Variants in KCNT1 observed in about 807,000 individuals in gnomAD.
The protein encoded by KCNT1 is potassium channel subfamily T member 1.
KCNT1 carries 78 observed loss-of-function variants against 147.8 expected under a neutral mutation model. That is an observed-to-expected ratio of 0.53 (90% CI 0.44 to 0.64). The LOEUF (loss-of-function observed/expected upper bound fraction) is 0.64. Ranked by LOEUF, KCNT1 falls within the 30% of genes least tolerant of loss-of-function variation. The pLI, the probability that KCNT1 is intolerant of heterozygous loss-of-function variation, is 0.00. For missense variants in KCNT1, 1,419 were observed against 1,750.3 expected (o/e 0.81, Z 3.38); for synonymous variants, 867 against 748.8 (o/e 1.16, Z -2.58).
chr9:135,750,804 G>C, intron 3 of KCNT1, 138 bp from the exon 4 acceptor site: 1 of 736,180 alleles, frequency 1.4e-6, no homozygotes, highest in Non-Finnish European at 2.3e-6. Context: ...AGGGCACACA[G>C]AGCTCTGCGT....
intron 3 of KCNT1, chr9:135,750,475 T>C (rs962194637): frequency 2.0e-6 from 1 of 501,492 alleles, no homozygotes; most frequent in Non-Finnish European, 3.6e-6. Flanking sequence ...GGACCATCCA[T>C]AGGTGCCAGC....
At position 135,784,052 on chromosome 9, in the gene KCNT1, C is replaced by T; in HGVS notation, c.2870C>T (p.Ala957Val). ...GAGCGAGAGAATGGCTCCAACCTGG[C>T]CTTCATGTTCCGCCTGCCGTTCGCC... ...KRERENGSNLAFMFRLPFAAG... is the reference protein window; with the variant it reads ...KRERENGSNLVFMFRLPFAAG... The change falls in exon 25 of 31, where the codon GCC becomes GTC. Residue 957 changes from alanine to valine, a missense_variant. Ala to Val is a moderately conservative substitution (Grantham distance 64, BLOSUM62 0). Coordinates refer to ENST00000371757, the MANE Select transcript of KCNT1 (RefSeq NM_020822.3). The T allele has an allele frequency of 6.2e-7, 1 of 1,606,128 alleles. No individual in the cohort carries two copies.
At chr9:135,785,121 C>T (rs1253766406) in intron 27 of KCNT1, among the ~76,000 whole-genome samples, 189 bp from the exon 28 acceptor site, 1 of 152,202 alleles carries the variant, frequency 6.6e-6, no homozygotes, top group Non-Finnish European at 1.5e-5. Context: ...AGCCATGACC[C>T]CTACCGGGGG....
At chr9:135,751,099 C>T in intron 4 of KCNT1, 58 bp downstream of exon 4, 1 of 1,499,786 alleles carries the variant, frequency 6.7e-7, no homozygotes, top group Non-Finnish European at 9.2e-7. Flanking sequence ...AGCCTTCCCA[C>T]TGGGCCGTTA....
chr9:135,761,316 G>A (rs1831897838), intron 11 of KCNT1, among the ~76,000 whole-genome samples: 1 of 152,224 alleles, frequency 6.6e-6, no homozygotes, highest in South Asian at 2.1e-4. Flanking sequence ...ACCATGTGGG[G>A]TGGGGTGGAG....
At chr9:135,774,616 GTTGTGTGTCGAT>G (rs1279810648) in intron 19 of KCNT1, among the ~76,000 whole-genome samples, 1 of 151,218 alleles carries the variant, frequency 6.6e-6, no homozygotes, top group East Asian at 2.0e-4. Flanking sequence ...TGTTGTGTAT[GTTGTGTGTCGAT>G]GTGTGTGTTG....
At chr9:135,750,056 C>A in intron 2 of KCNT1, 42 bp from the exon 3 acceptor site, 2 of 1,532,448 alleles carry the variant, frequency 1.3e-6, no homozygotes, top group African/African-American at 1.4e-5. Flanking sequence ...AGCCTGAGTC[C>A]CCACTGGCCC....
At position 135,702,235 on chromosome 9, in the gene KCNT1, G is replaced by C. The variant is rs1416386967; in HGVS notation, c.-24G>C. ...CGGCTCCCACTCGCTTCTCCCTCGG[G>C]TCGGGTCCGAGCTGCCAGGCCGCAT... On this transcript the variant is annotated 5_prime_UTR_variant, in exon 1 of 31. Transcript: ENST00000371757. 6 of 1,571,334 alleles carry C rather than the reference G, an allele frequency of 3.8e-6. No individual in the cohort carries two copies. Among genetic ancestry groups the C allele is most frequent in the Non-Finnish European group, 5.2e-6 (6 of 1,145,432 alleles).
chr9:135,784,619 G>GT lies in KCNT1; in HGVS notation c.3027+2dup, dbSNP rs753592266. On this transcript the variant is annotated splice_donor_variant, in intron 26 of 30. Transcript: ENST00000371757. LOFTEE classifies it high-confidence loss of function. ...GCCGGGCTCGGGGTACCTCTGTGCC[G>GT]TAAGTGCCCCTGGCTGCGCTGGGCT... 6.2e-7 allele frequency: 1 copy of GT among 1,611,390 alleles called. No homozygotes were observed. Among genetic ancestry groups the GT allele is most frequent in the Non-Finnish European group, 8.5e-7 (1 of 1,179,512 alleles).
chr9:135,757,491 C>T lies in KCNT1; in HGVS notation c.759+110C>T, dbSNP rs550127749. ...CTGCCACGCCCCGGCCCTGGCATGA[C>T]CTGTAGAGGACCGGGAAGCCAGGGC... On this transcript the variant is annotated intron_variant, in intron 9 of 30. Transcript: ENST00000371757. 7.3e-6 allele frequency: 7 copies of T among 955,826 alleles called. No individual in the cohort carries two copies. The African/African-American group carries it at 1.1e-4, about 15-fold the overall frequency. The allele number at this position is 955,826 out of a possible 1,614,324, so 59.2% of individuals were successfully genotyped here.
intron 1 of KCNT1, among the ~76,000 whole-genome samples, chr9:135,707,759 G>T (rs1436346907): frequency 6.6e-6 from 1 of 152,208 alleles, no homozygotes; most frequent in Non-Finnish European, 1.5e-5. Context: ...CCTCGCCTGG[G>T]GCCCCTGTGT....
intron 20 of KCNT1, 105 bp downstream of exon 20, chr9:135,775,520 G>A: frequency 1.3e-6 from 1 of 796,396 alleles, no homozygotes; most frequent in Non-Finnish European, 2.0e-6. Context: ...CGATACCATT[G>A]CAAACTTCTA....
chr9:135,755,009 C>G, intron 5 of KCNT1, 112 bp from the exon 6 acceptor site: 1 of 914,504 alleles, frequency 1.1e-6, no homozygotes, highest in Non-Finnish European at 1.6e-6. Flanking sequence ...CCCCAATGAG[C>G]AGCACATGCT....
At chr9:135,768,994 C>CAGTTA in intron 15 of KCNT1, 57 bp downstream of exon 15, 1 of 1,331,200 alleles carries the variant, frequency 7.5e-7, no homozygotes, top group East Asian at 2.4e-5. Flanking sequence ...CGTGTGCACA[C>CAGTTA]GTGGGTGATG....
chr9:135,791,716 GC>G lies in KCNT1; in HGVS notation c.3503-76del, dbSNP rs1834543495. 2.5e-6 allele frequency: 3 copies of G among 1,192,946 alleles called. No individual in the cohort carries two copies. The Admixed American group carries it at 5.4e-5, about 21-fold the overall frequency. 73.9% of individuals were successfully genotyped at this position (1,192,946 alleles called of 1,614,324 possible). ...CCGGAAAGACTCAGCTCATCCTGGA[GC>G]CCCCACACCTCTGGGCCCCTGCAGA... On this transcript the variant is annotated intron_variant, in intron 29 of 30. Transcript: ENST00000371757.
At chr9:135,743,568 G>A (rs2131388358) in intron 2 of KCNT1, among the ~76,000 whole-genome samples, 1 of 152,322 alleles carries the variant, frequency 6.6e-6, no homozygotes, top group Middle Eastern at 3.4e-3. Flanking sequence ...CCCAGCCTGG[G>A]GCCCCATGGT....
Position 135,750,131 on chromosome 9 carries a change from C to A in KCNT1, c.288C>A (p.Thr96=). 1 of 1,613,882 alleles carries A rather than the reference C, an allele frequency of 6.2e-7. No individual in the cohort carries two copies. Among genetic ancestry groups the A allele is most frequent in the Non-Finnish European group, 8.5e-7 (1 of 1,179,974 alleles). The change falls in exon 3 of 31, where the codon ACC becomes ACA. Residue 96 remains threonine (T), a synonymous_variant. Transcript: ENST00000371757. ...VQVEFYVNEN[T]FKERLKLFFI... is the part of the protein sequence containing the mutation. Reference sequence around the variant, plus strand: ...TGGAGTTCTACGTCAACGAGAACACCTTCAAGGAGCGGCTCAAGCTGTTCT... The same window carrying A: ...TGGAGTTCTACGTCAACGAGAACACATTCAAGGAGCGGCTCAAGCTGTTCT...
At chr9:135,715,363 T>G (rs1800187993) in intron 2 of KCNT1, among the ~76,000 whole-genome samples, 1 of 152,220 alleles carries the variant, frequency 6.6e-6, no homozygotes. Context: ...TTTCCCCAAA[T>G]AGCTGTCTTG....
At chr9:135,733,084 G>T (rs1830171485) in intron 2 of KCNT1, among the ~76,000 whole-genome samples, 1 of 151,972 alleles carries the variant, frequency 6.6e-6, no homozygotes, top group South Asian at 2.1e-4. Flanking sequence ...CAGGAGGTCT[G>T]TGATGCTGAC....
Sources: gnomAD v4.1 joint callset for allele counts (sites outside exome capture counted in the v4.1 genomes callset) on GRCh38, gnomAD v4.1.1 for gene constraint, MANE v1.5 for transcripts, NCBI Gene and HGNC (gene_info 2026-07-23, HGNC 2026-07-21) for gene names.